The following BCAP31 variants were observed in gnomAD, a reference collection of about 807,000 sequenced individuals.
BCAP31 encodes B cell receptor associated protein 31.
For synonymous variants in BCAP31, 75 were observed against 80.9 expected (o/e 0.93, Z 0.39); for missense variants, 124 against 193.0 (o/e 0.64, Z 2.12).
At chrX:153,714,392 A>ATG (rs1557049700) in intron 4 of BCAP31, among the ~76,000 whole-genome samples, 1 of 111,041 alleles carries the variant, frequency 9.0e-6, no homozygotes, top group African/African-American at 3.3e-5. Flanking sequence ...AATTTAGGGT[A>ATG]TGTGTCTGAC....
At chrX:153,711,844 G>A (rs182402536) in intron 4 of BCAP31, among the ~76,000 whole-genome samples, 1 of 101,483 alleles carries the variant, frequency 9.9e-6, no homozygotes, top group African/African-American at 3.6e-5. Context: ...GGAGGAGGCT[G>A]CAGTAAGCCA....
intron 4 of BCAP31, among the ~76,000 whole-genome samples, chrX:153,712,354 G>T (rs1380583666): frequency 9.1e-6 from 1 of 109,950 alleles, no homozygotes; most frequent in African/African-American, 3.3e-5. Flanking sequence ...AGTGAGCCAT[G>T]ATCACACCAA....
At chrX:153,713,968 G>C (rs911352977) in intron 4 of BCAP31, among the ~76,000 whole-genome samples, 1 of 92,491 alleles carries the variant, frequency 1.1e-5, no homozygotes, top group African/African-American at 4.3e-5. Flanking sequence ...TCTGCCTCCC[G>C]GGTTCAAGCA....
chrX:153,707,315 C>G (rs1473763201), intron 4 of BCAP31, among the ~76,000 whole-genome samples: 19 of 109,276 alleles, frequency 1.7e-4, no homozygotes, highest in African/African-American at 6.3e-4. Context: ...TTCATCTCTG[C>G]ACTCCCATAC....
At chrX:153,721,847 G>A (rs1333554889) in intron 2 of BCAP31, among the ~76,000 whole-genome samples, 1 of 67 alleles carries the variant, frequency 0.015, no homozygotes, top group Non-Finnish European at 0.021. Context: ...GCTGTCAGCC[G>A]AGCACCACAC....
At chrX:153,711,175 G>C (rs868943304) in intron 4 of BCAP31, among the ~76,000 whole-genome samples, 17 of 110,942 alleles carry the variant, frequency 1.5e-4, no homozygotes, top group African/African-American at 5.3e-4. Context: ...CTGCGTCCTC[G>C]ATTCCGCAAG....
chrX:153,706,113 A>G (rs2091552895), intron 4 of BCAP31, among the ~76,000 whole-genome samples: 2 of 111,262 alleles, frequency 1.8e-5, no homozygotes, highest in Admixed American at 9.4e-5. Context: ...TTCAGTTCCC[A>G]GCCTTGAGAC....
rs3819629 is a variant in BCAP31, at chrX:153,711,387, A to T, written c.341+4155T>A. ...CTTCAGGCTCTCCTGCTCCACTCCAACCCATACACCCTTGCAAAATGTTAA... is the reference window on the plus strand; with the variant it reads ...CTTCAGGCTCTCCTGCTCCACTCCATCCCATACACCCTTGCAAAATGTTAA... On this transcript the variant is annotated intron_variant, in intron 4 of 7. Transcript: ENST00000345046. Among the ~76,000 whole-genome samples, 44 of 111,508 alleles carry T rather than the reference A, an allele frequency of 3.9e-4. 1 individual carries two copies. The highest frequency in any genetic ancestry group is 1.4e-3 in the African/African-American group (43 of 30,653).
Position 153,720,947 on chromosome X carries a change from G to A in BCAP31, c.118C>T (p.Leu40=), listed in dbSNP as rs2091660900. The part of the protein sequence containing the change: ...KRWQKIFKSR[L]VELLVSYGNT... ...CCATAGGACACTAACAACTCCACCA[G>A]CCGGGACTTGAAAATCTTCTGCCAT... is the stretch of plus-strand genomic sequence containing the variant. The change falls in exon 3 of 8, where the codon CTG becomes TTG. Residue 40 remains leucine, a synonymous_variant. Coordinates refer to ENST00000345046, the MANE Select transcript of BCAP31 (RefSeq NM_001256447.2). The A allele has an allele frequency of 8.3e-7, 1 of 1,209,644 alleles. No homozygotes were observed. Among genetic ancestry groups the A allele is most frequent in the Non-Finnish European group, 1.1e-6 (1 of 894,861 alleles).
In BCAP31 at chrX:153,703,990, T is replaced by C. The variant is rs1303122431; in HGVS notation, c.446A>G (p.Lys149Arg). ...QAESASEAAKKYMEENDQLKK... is the reference protein window; with the variant it reads ...QAESASEAAKRYMEENDQLKK... ...GAGCTGGTCATTCTCCTCCATGTAC[T>C]TCTTGGCCGCCTCACTAGCACTCTC... Residue 149 changes from lysine (K) to arginine (R), a missense_variant, in exon 5 of 8, where the codon AAG becomes AGG. Coordinates refer to ENST00000345046, the MANE Select transcript of BCAP31 (RefSeq NM_001256447.2). 4.1e-6 allele frequency: 5 copies of C among 1,210,244 alleles called. No individual in the cohort carries two copies. The African/African-American group carries it at 7.0e-5, about 17-fold the overall frequency.
chrX:153,707,637 T>C (rs1282141333), intron 4 of BCAP31, among the ~76,000 whole-genome samples: 1 of 112,161 alleles, frequency 8.9e-6, no homozygotes, highest in Admixed American at 9.4e-5. Flanking sequence ...AGACCCGTTC[T>C]GATGGGCAAG....
intron 2 of BCAP31, 42 bp from the exon 3 acceptor site, chrX:153,721,014 C>T: frequency 8.9e-7 from 1 of 1,125,850 alleles, no homozygotes; most frequent in East Asian, 3.0e-5. Context: ...AGAGAAAGCA[C>T]ACACACGAGC....
At chrX:153,713,881 CT>C (rs1209475410) in intron 4 of BCAP31, among the ~76,000 whole-genome samples, 165 of 63,500 alleles carry the variant, frequency 2.6e-3, no homozygotes, top group East Asian at 8.7e-3. Flanking sequence ...CGATACTATT[CT>C]TTTTTTTTTT....
chrX:153,717,816 C>T (rs2091639592), intron 3 of BCAP31, among the ~76,000 whole-genome samples: 1 of 112,427 alleles, frequency 8.9e-6, no homozygotes. Context: ...CGAGTACTCT[C>T]AAACGCTGTT....
chrX:153,710,897 C>T (rs782675297), intron 4 of BCAP31, among the ~76,000 whole-genome samples: 2 of 111,827 alleles, frequency 1.8e-5, no homozygotes, highest in South Asian at 3.8e-4. Context: ...TCTTCTATCG[C>T]TCTGCTGGAG....
chrX:153,710,596 G>A (rs2091584828), intron 4 of BCAP31, among the ~76,000 whole-genome samples: 1 of 111,938 alleles, frequency 8.9e-6, no homozygotes, highest in South Asian at 3.7e-4. Flanking sequence ...GCTTTGGCTG[G>A]GAAGCTGGGA....
intron 4 of BCAP31, among the ~76,000 whole-genome samples, chrX:153,709,815 A>G (rs192697372): frequency 8.8e-6 from 1 of 113,161 alleles, no homozygotes; most frequent in African/African-American, 3.2e-5. Context: ...AGCGCCCTTC[A>G]TATGTGCCAG....
intron 3 of BCAP31, among the ~76,000 whole-genome samples, chrX:153,719,302 A>T (rs2091649441): frequency 9.0e-6 from 1 of 111,443 alleles, no homozygotes; most frequent in African/African-American, 3.3e-5. Flanking sequence ...CTCAGTTCAA[A>T]AACTCAGTGG....
intron 4 of BCAP31, among the ~76,000 whole-genome samples, chrX:153,711,550 G>A (rs3819634): frequency 1.0e-3 from 112 of 112,052 alleles, no homozygotes; most frequent in Non-Finnish European, 1.9e-3. Context: ...GTACCTGCTC[G>A]CGCCATGAGT....
Sources: allele counts gnomAD v4.1 joint callset (sites outside exome capture counted in the v4.1 genomes callset), GRCh38; gene constraint gnomAD v4.1.1; transcripts MANE v1.5; gene names NCBI Gene and HGNC (gene_info 2026-07-23, HGNC 2026-07-21).